Variants in KCND3 observed in about 807,000 individuals in gnomAD.
KCND3 encodes potassium voltage-gated channel subfamily D member 3.
Under a neutral mutation model 51.1 loss-of-function variants are expected in KCND3, and 9 were observed. The observed-to-expected ratio is 0.18, with a 90% CI of 0.11 to 0.31. The LOEUF (loss-of-function observed/expected upper bound fraction) is 0.31. KCND3 is among the 10% of genes least tolerant of loss of function. The pLI is 1.00. For missense variants in KCND3, 526 were observed against 903.8 expected, an observed-to-expected ratio of 0.58 and a Z score of 5.36; for synonymous variants, 349 against 368.0, an observed-to-expected ratio of 0.95 and a Z score of 0.59.
At chr1:111,919,193 A>G (rs1671363787) in intron 2 of KCND3, among the ~76,000 whole-genome samples, 1 of 150,234 alleles carries the variant, frequency 6.7e-6, no homozygotes, top group South Asian at 2.2e-4. Flanking sequence ...CCCTCAATAT[A>G]CTGGCATTCT....
At chr1:111,891,580 T>C (rs1402807094) in intron 2 of KCND3, among the ~76,000 whole-genome samples, 1 of 152,118 alleles carries the variant, frequency 6.6e-6, no homozygotes, top group African/African-American at 2.4e-5. Flanking sequence ...CTTATTAACT[T>C]GTTAAACACT....
In KCND3 at chr1:111,773,572, C is replaced by T. The variant is rs1664002824; in HGVS notation, c.*2505G>A. On this transcript the variant is annotated 3_prime_UTR_variant, in exon 8 of 8. Transcript: ENST00000302127. ...AGTAGCTGGGATTACAGGGGTCCAC[C>T]ACCATGCCTGGCTAATTTTTGTATT... 6.6e-6 allele frequency: 1 copy of T among 151,946 alleles called. No homozygotes were observed. The highest frequency in any genetic ancestry group is 1.5e-5 in the Non-Finnish European group (1 of 68,016). The allele number at this position is 151,946 out of a possible 1,614,324, so 9.4% of individuals were successfully genotyped here. A position where few individuals can be genotyped will look rare whatever the true frequency, so the allele number is the denominator to read the frequency against.
intron 2 of KCND3, among the ~76,000 whole-genome samples, chr1:111,865,680 T>G (rs1345086823): frequency 2.0e-5 from 3 of 152,224 alleles, no homozygotes; most frequent in Non-Finnish European, 4.4e-5. Context: ...ATCCTTTTTT[T>G]GGGGTTTCCT....
chr1:111,873,174 A>G (rs913457730), intron 2 of KCND3, among the ~76,000 whole-genome samples: 4 of 152,238 alleles, frequency 2.6e-5, no homozygotes, highest in African/African-American at 9.6e-5. Flanking sequence ...TCCCTTGTGC[A>G]GTATCCCTGC....
chr1:111,960,841 G>A (rs1212437346), intron 2 of KCND3, among the ~76,000 whole-genome samples: 1 of 152,192 alleles, frequency 6.6e-6, no homozygotes, highest in African/African-American at 2.4e-5. Flanking sequence ...CAGCCCTCAT[G>A]GTTTTAATTC....
intron 2 of KCND3, among the ~76,000 whole-genome samples, chr1:111,853,012 T>G (rs1667894332): frequency 6.6e-6 from 1 of 152,224 alleles, no homozygotes; most frequent in Non-Finnish European, 1.5e-5. Context: ...AGTAACAGCA[T>G]GCATGCAGGG....
intron 2 of KCND3, among the ~76,000 whole-genome samples, chr1:111,840,205 C>G (rs114326289): frequency 7.9e-5 from 12 of 152,132 alleles, no homozygotes; most frequent in African/African-American, 2.4e-4. Context: ...AGAGGCCCCA[C>G]CTCTTAATAA....
intron 3 of KCND3, among the ~76,000 whole-genome samples, chr1:111,783,582 T>C (rs193220552): frequency 1.7e-3 from 263 of 151,630 alleles, no homozygotes; most frequent in African/African-American, 6.1e-3. Context: ...CATGAGTATT[T>C]CTATCTTTTG....
intron 2 of KCND3, among the ~76,000 whole-genome samples, chr1:111,944,645 G>C (rs979966057): frequency 1.3e-5 from 2 of 152,242 alleles, no homozygotes; most frequent in Non-Finnish European, 2.9e-5. Context: ...ATCTGTTCAC[G>C]TGTCATCTCC....
intron 2 of KCND3, among the ~76,000 whole-genome samples, chr1:111,920,645 G>T (rs1671433986): frequency 6.6e-6 from 1 of 152,192 alleles, no homozygotes; most frequent in Non-Finnish European, 1.5e-5. Context: ...CTGCTGGGCT[G>T]AAGCCACTCC....
chr1:111,968,456 C>A (rs1211515911), intron 2 of KCND3, among the ~76,000 whole-genome samples: 1 of 152,178 alleles, frequency 6.6e-6, no homozygotes, highest in African/African-American at 2.4e-5. Context: ...CCAACAGCTA[C>A]AACGTCAGAA....
At chr1:111,789,733 G>C (rs1432629690) in intron 2 of KCND3, among the ~76,000 whole-genome samples, 1 of 152,214 alleles carries the variant, frequency 6.6e-6, no homozygotes, top group Non-Finnish European at 1.5e-5. Flanking sequence ...AGCTGTATTG[G>C]TTCACTAGGC....
intron 2 of KCND3, among the ~76,000 whole-genome samples, chr1:111,922,226 A>G (rs1401782822): frequency 6.6e-6 from 1 of 152,242 alleles, no homozygotes; most frequent in East Asian, 1.9e-4. Context: ...GAAGGGAGAC[A>G]TTAAGAGGAA....
In KCND3 at chr1:111,989,608, G is replaced by A. The variant is rs1007608632; in HGVS notation, c.-176C>T. Reference sequence around the variant, plus strand: ...GAGGCGCCGAGCGCCCAGCAGCGCGGGGAAGCGCCCAGCAGCCGCCGCTCG... The same window carrying A: ...GAGGCGCCGAGCGCCCAGCAGCGCGAGGAAGCGCCCAGCAGCCGCCGCTCG... On this transcript the variant is annotated 5_prime_UTR_variant, in exon 1 of 8. Transcript: ENST00000302127. 5.4e-5 allele frequency among the ~76,000 whole-genome samples: 8 copies of A among 147,784 alleles called. No homozygotes were observed. Among genetic ancestry groups the A allele is most frequent in the African/African-American group, 1.9e-4 (8 of 41,100 alleles).
chr1:111,959,683 C>A (rs1283201770), intron 2 of KCND3, among the ~76,000 whole-genome samples: 1 of 152,204 alleles, frequency 6.6e-6, no homozygotes, highest in African/African-American at 2.4e-5. Flanking sequence ...TGACCAGAAG[C>A]AACTTCTGTG....
intron 2 of KCND3, among the ~76,000 whole-genome samples, chr1:111,830,770 T>G (rs1281036219): frequency 6.6e-6 from 1 of 152,274 alleles, no homozygotes; most frequent in Admixed American, 6.5e-5. Flanking sequence ...GGAAATATAT[T>G]TTCCATAAAA....
intron 1 of KCND3, among the ~76,000 whole-genome samples, chr1:111,983,941 C>T (rs1217636122): frequency 6.6e-6 from 1 of 152,210 alleles, no homozygotes; most frequent in African/African-American, 2.4e-5. Flanking sequence ...ATAGTGAAAT[C>T]ACTCTGCAGT....
At chr1:111,798,178 T>C (rs763086718) in intron 2 of KCND3, among the ~76,000 whole-genome samples, 2 of 152,276 alleles carry the variant, frequency 1.3e-5, no homozygotes, top group Middle Eastern at 3.4e-3. Flanking sequence ...ACCCTTCCCT[T>C]CTTTCTATTG....
At chr1:111,936,810 G>A (rs572621389) in intron 2 of KCND3, among the ~76,000 whole-genome samples, 1 of 152,304 alleles carries the variant, frequency 6.6e-6, no homozygotes, top group South Asian at 2.1e-4. Flanking sequence ...TGATTTGGGG[G>A]CACTGTCTCT....
Sources: allele counts gnomAD v4.1 joint callset (sites outside exome capture counted in the v4.1 genomes callset), GRCh38; gene constraint gnomAD v4.1.1; transcripts MANE v1.5; gene names NCBI Gene and HGNC (gene_info 2026-07-23, HGNC 2026-07-21).